The following THSD7B variants were observed in gnomAD, a reference collection of about 807,000 sequenced individuals.
The protein encoded by THSD7B is thrombospondin type 1 domain containing 7B.
THSD7B carries 138 observed loss-of-function variants against 213.6 expected under a neutral mutation model. The ratio of observed to expected loss-of-function variants is 0.65; its 90% CI spans 0.56 to 0.74. The LOEUF (loss-of-function observed/expected upper bound fraction) is 0.74. Among genes scored for constraint, THSD7B ranks in the 30% least tolerant of loss-of-function variants. The probability of loss-of-function intolerance (pLI) is 0.00; values close to 1 mark genes in which losing one functional copy is unlikely to be tolerated. For missense variants in THSD7B, 1,931 were observed against 1,991.5 expected, an observed-to-expected ratio of 0.97 and a Z score of 0.58; for synonymous variants, 742 against 687.0, an observed-to-expected ratio of 1.08 and a Z score of -1.25.
At chr2:137,253,765 T>C (rs1285479127) in intron 10 of THSD7B, among the ~76,000 whole-genome samples, 2 of 152,338 alleles carry the variant, frequency 1.3e-5, no homozygotes, top group Non-Finnish European at 2.9e-5. Context: ...TAAATAATCT[T>C]CTGCAATTAA....
intron 9 of THSD7B, among the ~76,000 whole-genome samples, chr2:137,240,664 C>G (rs927446737): frequency 5.9e-5 from 9 of 152,114 alleles, no homozygotes; most frequent in African/African-American, 1.9e-4. Flanking sequence ...GCATGTACCC[C>G]CATGCCCAGC....
chr2:136,879,116 G>A (rs1056966769), intron 1 of THSD7B, among the ~76,000 whole-genome samples: 1 of 152,134 alleles, frequency 6.6e-6, no homozygotes, highest in Non-Finnish European at 1.5e-5. Flanking sequence ...AAGGGATCCA[G>A]TTTCAGCTTT....
At chr2:137,393,241 T>G (rs1471280645) in intron 12 of THSD7B, among the ~76,000 whole-genome samples, 1 of 151,618 alleles carries the variant, frequency 6.6e-6, no homozygotes, top group Admixed American at 6.6e-5. Flanking sequence ...ACATGTGCCA[T>G]GCTGGTGCAC....
chr2:136,799,209 A>AT (rs1682125144), intron 1 of THSD7B, among the ~76,000 whole-genome samples: 1 of 151,936 alleles, frequency 6.6e-6, no homozygotes, highest in South Asian at 2.1e-4. Context: ...TGGCCATGGG[A>AT]TTTTACCACA....
chr2:136,937,237 C>T (rs565163014), intron 2 of THSD7B, among the ~76,000 whole-genome samples: 23 of 152,022 alleles, frequency 1.5e-4, no homozygotes, highest in African/African-American at 5.3e-4. Flanking sequence ...CTGGTGTACT[C>T]AAGTTCTCTG....
intron 1 of THSD7B, among the ~76,000 whole-genome samples, chr2:136,834,107 G>A (rs1359398271): frequency 2.0e-5 from 3 of 152,328 alleles, no homozygotes; most frequent in East Asian, 1.9e-4. Context: ...ATATTTCCAT[G>A]TTGTTTGGTA....
At chr2:137,072,131 C>T (rs1687505774) in intron 3 of THSD7B, among the ~76,000 whole-genome samples, 1 of 151,990 alleles carries the variant, frequency 6.6e-6, no homozygotes, top group South Asian at 2.1e-4. Flanking sequence ...TAGTTTTTTC[C>T]AATTCTGTGA....
chr2:136,985,700 C>A (rs753890049), intron 2 of THSD7B, among the ~76,000 whole-genome samples: 10 of 152,208 alleles, frequency 6.6e-5, no homozygotes, highest in Non-Finnish European at 1.3e-4. Flanking sequence ...CAACAGGGTA[C>A]TGCCTGGTGG....
chr2:137,323,168 C>T (rs1405608042), intron 12 of THSD7B, among the ~76,000 whole-genome samples: 1 of 152,110 alleles, frequency 6.6e-6, no homozygotes, highest in Admixed American at 6.5e-5. Flanking sequence ...AAAAACTGAT[C>T]AGAAATGACG....
intron 15 of THSD7B, among the ~76,000 whole-genome samples, chr2:137,507,119 A>C (rs960716833): frequency 2.0e-5 from 3 of 152,192 alleles, no homozygotes; most frequent in African/African-American, 7.2e-5. Context: ...GAGTATTCTC[A>C]TTCATACAAA....
chr2:136,800,516 TA>T (rs1407983421), intron 1 of THSD7B, among the ~76,000 whole-genome samples: 3 of 152,118 alleles, frequency 2.0e-5, no homozygotes, highest in South Asian at 2.1e-4. Context: ...ATAGAAAACT[TA>T]AAACGGGCAA....
At chr2:137,366,822 A>G (rs1007289719) in intron 12 of THSD7B, among the ~76,000 whole-genome samples, 2 of 152,132 alleles carry the variant, frequency 1.3e-5, no homozygotes, top group Admixed American at 1.3e-4. Context: ...AAAATATAGC[A>G]TTTCTATAAC....
chr2:137,507,535 G>A (rs1043973194), intron 15 of THSD7B, among the ~76,000 whole-genome samples: 1 of 152,218 alleles, frequency 6.6e-6, no homozygotes, highest in East Asian at 1.9e-4. Context: ...ATAAATCCCC[G>A]CTTCCTCCTT....
intron 1 of THSD7B, among the ~76,000 whole-genome samples, chr2:136,838,887 C>T (rs74945506): frequency 6.6e-6 from 1 of 152,158 alleles, no homozygotes; most frequent in Non-Finnish European, 1.5e-5. Context: ...GTGCAGCTGC[C>T]TTGCTCTGTG....
At chr2:137,074,725 G>A (rs1326455503) in intron 3 of THSD7B, among the ~76,000 whole-genome samples, 24 of 152,220 alleles carry the variant, frequency 1.6e-4, no homozygotes, top group South Asian at 1.5e-3. Context: ...GGCTGGTTCC[G>A]GTTGTTCCTT....
intron 2 of THSD7B, among the ~76,000 whole-genome samples, chr2:137,046,499 G>A (rs1412774905): frequency 6.6e-6 from 1 of 152,100 alleles, no homozygotes; most frequent in East Asian, 1.9e-4. Flanking sequence ...GGAAGGCGAG[G>A]TGGGCAGATC....
At chr2:137,525,450 A>G (rs1206468100) in intron 15 of THSD7B, among the ~76,000 whole-genome samples, 1 of 152,108 alleles carries the variant, frequency 6.6e-6, no homozygotes, top group African/African-American at 2.4e-5. Flanking sequence ...CCTTTTCCAA[A>G]AGCTAGTTAC....
At position 136,796,980 on chromosome 2, in the gene THSD7B, TCACACACACA is replaced by T. The variant is rs58116447; in HGVS notation, c.-36+31316_-36+31325del. ...GCCAAGATAGTGATATCATATTTGA[TCACACACACA>T]CACACACACACACACACACACAACC... On this transcript the variant is annotated intron_variant, in intron 1 of 27. Coordinates refer to ENST00000409968, the MANE Select transcript of THSD7B (RefSeq NM_001316349.2). 1.4e-4 allele frequency among the ~76,000 whole-genome samples: 20 copies of T among 146,946 alleles called. No homozygotes were observed. In the East Asian group the frequency reaches 2.8e-3, roughly 21 times the overall value.
chr2:136,850,249 A>G (rs1168810195), intron 1 of THSD7B, among the ~76,000 whole-genome samples: 3 of 152,060 alleles, frequency 2.0e-5, no homozygotes, highest in African/African-American at 2.4e-5. Context: ...GCTGCATTGT[A>G]TGAGTACATT....
Sources: gnomAD v4.1 joint callset for allele counts (sites outside exome capture counted in the v4.1 genomes callset) on GRCh38, gnomAD v4.1.1 for gene constraint, MANE v1.5 for transcripts, NCBI Gene and HGNC (gene_info 2026-07-23, HGNC 2026-07-21) for gene names.